STAT4: variants seen among roughly 807,000 people sequenced by gnomAD.
STAT4 encodes the protein signal transducer and activator of transcription 4.
Under a neutral mutation model 110.5 loss-of-function variants are expected in STAT4, and 42 were observed. That is an observed-to-expected ratio of 0.38 (90% CI 0.30 to 0.49). The LOEUF is 0.49. Among genes scored for constraint, STAT4 ranks in the 20% least tolerant of loss-of-function variants. The pLI, the probability that STAT4 is intolerant of heterozygous loss-of-function variation, is 0.95. For synonymous variants in STAT4, 284 were observed against 302.2 expected (o/e 0.94, Z 0.63); for missense variants, 632 against 887.9 (o/e 0.71, Z 3.66).
At position 191,146,998 on chromosome 2, in the gene STAT4, G is replaced by GA. The variant is rs890040999; in HGVS notation, c.129-242dup. Among the ~76,000 whole-genome samples the GA allele has an allele frequency of 2.0e-5, 3 of 152,106 alleles. No individual in the cohort carries two copies. The highest frequency in any genetic ancestry group is 7.2e-5 in the African/African-American group (3 of 41,440). On this transcript the variant is annotated intron_variant, in intron 2 of 23. Coordinates refer to ENST00000392320, the MANE Select transcript of STAT4 (RefSeq NM_003151.4). The surrounding 1 kb of genome is among the most constrained non-coding windows in gnomAD (Gnocchi z 4.5). Reference sequence around the variant, plus strand: ...AGGGTGGCTATTATAAAAAGGAAAAGAAAAAACAGAAAATGAGTGTTGGTG... The same window carrying GA: ...AGGGTGGCTATTATAAAAAGGAAAAGAAAAAAACAGAAAATGAGTGTTGGTG...
chr2:191,148,618 A>G (rs985555153), intron 1 of STAT4, among the ~76,000 whole-genome samples: 14 of 152,144 alleles, frequency 9.2e-5, no homozygotes, highest in Admixed American at 9.2e-4. Flanking sequence ...ACCCTCTAAG[A>G]CTTTATATGT....
chr2:191,125,478 T>TATTATTATTATTATTATTATTATTATC (rs1239221302), intron 3 of STAT4, among the ~76,000 whole-genome samples: 5 of 146,330 alleles, frequency 3.4e-5, no homozygotes, highest in African/African-American at 1.2e-4. Flanking sequence ...CCTCATTATT[T>TATTATTATTATTATTATTATTATTATC]ATTATTATTA....
At chr2:191,057,189 T>A (rs906371708) in intron 13 of STAT4, among the ~76,000 whole-genome samples, 8 of 152,244 alleles carry the variant, frequency 5.3e-5, no homozygotes, top group African/African-American at 7.2e-5. Flanking sequence ...TTTCCTAGCC[T>A]CTGGTAACTA....
At chr2:191,072,437 G>T (rs539457398) in intron 5 of STAT4, among the ~76,000 whole-genome samples, 1 of 152,206 alleles carries the variant, frequency 6.6e-6, no homozygotes, top group East Asian at 1.9e-4. Context: ...TTGTTATGGA[G>T]GATCACTAAA....
chr2:191,058,371 C>T lies in STAT4; in HGVS notation c.1095-152G>A, dbSNP rs1696761317. Reference sequence around the variant, plus strand: ...GGAGTGCAGTGGTGCAATCTTGGCTCACTACAACCTCTGCCCCCTGGGTTC... The same window carrying T: ...GGAGTGCAGTGGTGCAATCTTGGCTTACTACAACCTCTGCCCCCTGGGTTC... On this transcript the variant is annotated intron_variant, in intron 11 of 23. Transcript: ENST00000392320. The surrounding 1 kb of genome is among the most constrained non-coding windows in gnomAD (Gnocchi z 4.3). The T allele has an allele frequency of 5.0e-6, 4 of 795,444 alleles. No individual in the cohort carries two copies. Among genetic ancestry groups the T allele is most frequent in the Non-Finnish European group, 7.8e-6 (4 of 513,290 alleles). 49.3% of individuals were successfully genotyped at this position (795,444 alleles called of 1,614,324 possible).
rs1280074027 is a variant in STAT4 at position 191,116,976 on chromosome 2, T to C, written c.273+29637A>G. ...TAATGAAATATACGTGAGATCTCCA[T>C]GTGATTCTTTTTGCATTACTTTGAG... On this transcript the variant is annotated intron_variant, in intron 3 of 23. Coordinates refer to ENST00000392320, the MANE Select transcript of STAT4 (RefSeq NM_003151.4). The surrounding 1 kb of genome is among the most constrained non-coding windows in gnomAD (Gnocchi z 4.1). Among the ~76,000 whole-genome samples, 2 of 152,208 alleles carry C rather than the reference T, an allele frequency of 1.3e-5. No homozygotes were observed. The highest frequency in any genetic ancestry group is 2.9e-5 in the Non-Finnish European group (2 of 68,034).
chr2:191,139,538 C>G (rs974483889), intron 3 of STAT4, among the ~76,000 whole-genome samples: 1 of 152,066 alleles, frequency 6.6e-6, no homozygotes, highest in Non-Finnish European at 1.5e-5. Context: ...TGGGAATATA[C>G]CTATCCAAGG....
chr2:191,075,971 C>T (rs1441354089), intron 4 of STAT4: 3 of 332,674 alleles, frequency 9.0e-6, no homozygotes, highest in African/African-American at 6.3e-5. Flanking sequence ...CTATCTCAGC[C>T]TCCACAGAGC....
rs552936290 is a variant in STAT4, at chr2:191,131,793, G to C, written c.273+14820C>G. On this transcript the variant is annotated intron_variant, in intron 3 of 23. Coordinates refer to ENST00000392320, the MANE Select transcript of STAT4 (RefSeq NM_003151.4). Reference sequence around the variant, plus strand: ...TTGGTTTCCTCAATTAGTATCATCTGAATGTCCCAGGTGAAGAAGCTAAGT... The same window carrying C: ...TTGGTTTCCTCAATTAGTATCATCTCAATGTCCCAGGTGAAGAAGCTAAGT... 2.0e-4 allele frequency: 263 copies of C among 1,347,366 alleles called. 13 individuals are homozygous for C. In the African/African-American group the frequency reaches 3.9e-3, roughly 20 times the overall value. 83.5% of individuals were successfully genotyped at this position (1,347,366 alleles called of 1,614,324 possible). A position where few individuals can be genotyped will look rare whatever the true frequency, so the allele number is the denominator to read the frequency against.
intron 14 of STAT4, among the ~76,000 whole-genome samples, chr2:191,045,472 A>G (rs902889793): frequency 5.9e-5 from 9 of 152,190 alleles, no homozygotes; most frequent in African/African-American, 2.2e-4. Flanking sequence ...AAGCTTCAAC[A>G]ATTTATAAAA....
chr2:191,042,016 C>T lies in STAT4; in HGVS notation c.1252-868G>A, dbSNP rs1051931543. On this transcript the variant is annotated intron_variant, in intron 14 of 23. Coordinates refer to ENST00000392320, the MANE Select transcript of STAT4 (RefSeq NM_003151.4). The surrounding 1 kb of genome is among the most constrained non-coding windows in gnomAD (Gnocchi z 4.2). ...GTTAAGCCCATGCTTGCCCCTTCTC[C>T]GACATCTAGAGCCAGGCTTAAAAGC... is the stretch of plus-strand genomic sequence containing the variant. Among the ~76,000 whole-genome samples, 1 of 152,150 alleles carries T rather than the reference C, an allele frequency of 6.6e-6. No homozygotes were observed. The highest frequency in any genetic ancestry group is 1.5e-5 in the Non-Finnish European group (1 of 68,022).
At chr2:191,141,865 A>C (rs1699345119) in intron 3 of STAT4, among the ~76,000 whole-genome samples, 1 of 152,044 alleles carries the variant, frequency 6.6e-6, no homozygotes, top group South Asian at 2.1e-4. Context: ...TCCTGACCTC[A>C]GTACTGGAAT....
Position 191,099,089 on chromosome 2 carries a change from A to T in STAT4, c.274-22764T>A, listed in dbSNP as rs1056537221. 6.6e-6 allele frequency among the ~76,000 whole-genome samples: 1 copy of T among 152,064 alleles called. No individual in the cohort carries two copies. The highest frequency in any genetic ancestry group is 1.5e-5 in the Non-Finnish European group (1 of 68,002). On this transcript the variant is annotated intron_variant, in intron 3 of 23. Transcript: ENST00000392320. The surrounding 1 kb of genome is among the most constrained non-coding windows in gnomAD (Gnocchi z 4.1). Reference sequence around the variant, plus strand: ...ATTCACAAAAGAATACATCCAAATGACCAATAAATGTGGGAAAGGATGCCC... The same window carrying T: ...ATTCACAAAAGAATACATCCAAATGTCCAATAAATGTGGGAAAGGATGCCC...
In STAT4 at chr2:191,099,828, T is replaced by C. The variant is rs1379904382; in HGVS notation, c.274-23503A>G. ...AGAAGTTTGTAATTAAAAAGCTACA[T>C]GTATATTATGATCTACTTTATGGAA... On this transcript the variant is annotated intron_variant, in intron 3 of 23. Coordinates refer to ENST00000392320, the MANE Select transcript of STAT4 (RefSeq NM_003151.4). The surrounding 1 kb of genome is among the most constrained non-coding windows in gnomAD (Gnocchi z 4.1). 1.3e-5 allele frequency among the ~76,000 whole-genome samples: 2 copies of C among 152,146 alleles called. No individual in the cohort carries two copies. The highest frequency in any genetic ancestry group is 2.9e-5 in the Non-Finnish European group (2 of 68,008).
At position 191,091,200 on chromosome 2, in the gene STAT4, A is replaced by G. The variant is rs1177666104; in HGVS notation, c.274-14875T>C. 6.6e-6 allele frequency among the ~76,000 whole-genome samples: 1 copy of G among 152,232 alleles called. No homozygotes were observed. The highest frequency in any genetic ancestry group is 1.9e-4 in the East Asian group (1 of 5,198). On this transcript the variant is annotated intron_variant, in intron 3 of 23. Coordinates refer to ENST00000392320, the MANE Select transcript of STAT4 (RefSeq NM_003151.4). The surrounding 1 kb of genome is among the most constrained non-coding windows in gnomAD (Gnocchi z 5.4). ...TATCTCTCTTGCTGATGATAAAATT[A>G]TATTTCTAGAAAAAAAGAGACTCAT...
At chr2:191,141,570 G>T (rs1699334222) in intron 3 of STAT4, among the ~76,000 whole-genome samples, 1 of 140,998 alleles carries the variant, frequency 7.1e-6, no homozygotes, top group Admixed American at 7.6e-5. Flanking sequence ...TACCATATAT[G>T]ATATATATAC....
rs528281073 is a variant in STAT4 at position 191,036,026 on chromosome 2, T to C, written c.1570+138A>G. On this transcript the variant is annotated intron_variant, in intron 17 of 23. Transcript: ENST00000392320. ...TTAAAAATAATATAACACTTAGTTC[T>C]GTGCCTGGCAATATAGTAGGCATTG... 8.4e-6 allele frequency: 9 copies of C among 1,068,806 alleles called. No homozygotes were observed. In the African/African-American group the frequency reaches 1.3e-4, roughly 15 times the overall value. The allele number at this position is 1,068,806 out of a possible 1,614,324, so 66.2% of individuals were successfully genotyped here.
intron 5 of STAT4, among the ~76,000 whole-genome samples, chr2:191,070,857 G>T (rs1292436001): frequency 6.6e-6 from 1 of 151,940 alleles, no homozygotes; most frequent in Non-Finnish European, 1.5e-5. Flanking sequence ...AAAGGGGTGT[G>T]GGGGTGGGAC....
In STAT4 at chr2:191,146,884, A is replaced by G; in HGVS notation, c.129-127T>C. 1 of 919,654 alleles carries G rather than the reference A, an allele frequency of 1.1e-6. No individual in the cohort carries two copies. The highest frequency in any genetic ancestry group is 1.5e-6 in the Non-Finnish European group (1 of 680,364). 57.0% of individuals were successfully genotyped at this position (919,654 alleles called of 1,614,324 possible). On this transcript the variant is annotated intron_variant, in intron 2 of 23. Transcript: ENST00000392320. This position sits in a 1 kb window ranked among gnomAD's most constrained non-coding sequence, Gnocchi z 4.5. ...AAGCATTTAAAAGTTTTAAAAAATTAAATTGTTAACATGAAGAGATGCTCA... is the reference window on the plus strand; with the variant it reads ...AAGCATTTAAAAGTTTTAAAAAATTGAATTGTTAACATGAAGAGATGCTCA...
Sources: allele counts gnomAD v4.1 joint callset (sites outside exome capture counted in the v4.1 genomes callset), GRCh38; gene constraint gnomAD v4.1.1; non-coding constraint Gnocchi (gnomAD v3.1); transcripts MANE v1.5; gene names NCBI Gene and HGNC (gene_info 2026-07-23, HGNC 2026-07-21).